Variants in ADAMTS6 observed in about 807,000 individuals in gnomAD.
The protein encoded by ADAMTS6 is A disintegrin and metalloproteinase with thrombospondin motifs 6.
ADAMTS6 carries 23 observed loss-of-function variants against 144.3 expected under a neutral mutation model. The observed-to-expected ratio is 0.16, with a 90% CI of 0.11 to 0.23. ADAMTS6 has a LOEUF of 0.23. ADAMTS6 is among the 10% of genes least tolerant of loss of function. The pLI is 1.00. For synonymous variants in ADAMTS6, 444 were observed against 457.5 expected (o/e 0.97, Z 0.38); for missense variants, 999 against 1,379.6 (o/e 0.72, Z 4.37).
intron 9 of ADAMTS6, among the ~76,000 whole-genome samples, chr5:65,322,940 G>A (rs1310046811): frequency 6.6e-6 from 1 of 152,062 alleles, no homozygotes; most frequent in Non-Finnish European, 1.5e-5. Flanking sequence ...GTGAGAGAGG[G>A]CACTTTTGTC....
At chr5:65,324,407 G>A (rs1361787832) in intron 9 of ADAMTS6, among the ~76,000 whole-genome samples, 1 of 151,876 alleles carries the variant, frequency 6.6e-6, no homozygotes, top group Non-Finnish European at 1.5e-5. Context: ...GCAAACCACA[G>A]AAGAAAAATT....
At chr5:65,444,425 T>A (rs1486803173) in intron 7 of ADAMTS6, among the ~76,000 whole-genome samples, 1 of 152,006 alleles carries the variant, frequency 6.6e-6, no homozygotes, top group Non-Finnish European at 1.5e-5. Context: ...GGATACAAAA[T>A]CCATATAAAT....
At chr5:65,438,137 A>G (rs1037901872) in intron 7 of ADAMTS6, among the ~76,000 whole-genome samples, 1 of 152,212 alleles carries the variant, frequency 6.6e-6, no homozygotes, top group African/African-American at 2.4e-5. Context: ...CACAAAACCT[A>G]TTTCCCAAGG....
chr5:65,153,696 G>A (rs1426174326), intron 24 of ADAMTS6, among the ~76,000 whole-genome samples: 2 of 152,138 alleles, frequency 1.3e-5, no homozygotes. Context: ...AAAGACACAA[G>A]TCAGTTTGCA....
chr5:65,476,066 A>ACATCTTTCC (rs1760821502), intron 1 of ADAMTS6, among the ~76,000 whole-genome samples: 1 of 152,124 alleles, frequency 6.6e-6, no homozygotes, highest in South Asian at 2.1e-4. Context: ...TCTGCTAGCC[A>ACATCTTTCC]CATCTTTCCC....
At chr5:65,358,739 T>C (rs976773673) in intron 7 of ADAMTS6, among the ~76,000 whole-genome samples, 1 of 152,114 alleles carries the variant, frequency 6.6e-6, no homozygotes, top group African/African-American at 2.4e-5. Flanking sequence ...TGCACTAAAT[T>C]GATCTTTGAC....
rs1757717115 is a variant in ADAMTS6, at chr5:65,226,280, G to A, written c.1934-61C>T. 2.6e-6 allele frequency: 4 copies of A among 1,546,896 alleles called. No individual in the cohort carries two copies. In the Admixed American group the frequency reaches 7.0e-5, roughly 27 times the overall value. ...GGTTGTCCTAATGAACAGTGATTCAGTATTATCTATGGCAAATTTATAATT... is the reference window on the plus strand; with the variant it reads ...GGTTGTCCTAATGAACAGTGATTCAATATTATCTATGGCAAATTTATAATT... On this transcript the variant is annotated intron_variant, in intron 15 of 24. Coordinates refer to ENST00000381055, the MANE Select transcript of ADAMTS6 (RefSeq NM_197941.4).
intron 8 of ADAMTS6, among the ~76,000 whole-genome samples, chr5:65,329,970 G>T (rs1435437313): frequency 6.6e-6 from 1 of 152,000 alleles, no homozygotes; most frequent in Non-Finnish European, 1.5e-5. Context: ...AAAATAAAAT[G>T]AATGATTCAA....
In ADAMTS6 at chr5:65,370,252, A is replaced by G. The variant is rs534067246; in HGVS notation, c.1074-36167T>C. Among the ~76,000 whole-genome samples, 6 of 152,276 alleles carry G rather than the reference A, an allele frequency of 3.9e-5. No individual in the cohort carries two copies. The South Asian group carries it at 1.2e-3, about 32-fold the overall frequency. ...GTGAAATCCCATCTCTACTAAAAAT[A>G]CAATAATTAGGGGGAGGAGCCAAGA... On this transcript the variant is annotated intron_variant, in intron 7 of 24. Transcript: ENST00000381055.
At chr5:65,188,371 G>A (rs1444427579) in intron 21 of ADAMTS6, 151 bp from the exon 22 acceptor site, 3 of 747,744 alleles carry the variant, frequency 4.0e-6, no homozygotes, top group Admixed American at 2.5e-5. Context: ...AGCTGCTAAG[G>A]AAAAGACCTT....
chr5:65,451,447 A>C, intron 7 of ADAMTS6, 28 bp downstream of exon 7: 2 of 1,612,170 alleles, frequency 1.2e-6, no homozygotes, highest in South Asian at 1.1e-5. Flanking sequence ...ACAACAATCA[A>C]TGGAAAAATA....
intron 7 of ADAMTS6, among the ~76,000 whole-genome samples, chr5:65,367,756 G>C (rs1750440653): frequency 6.6e-6 from 1 of 151,962 alleles, no homozygotes; most frequent in South Asian, 2.1e-4. Context: ...TAAATCCCAA[G>C]AGTTCCCACT....
intron 7 of ADAMTS6, among the ~76,000 whole-genome samples, chr5:65,357,540 A>G (rs887274077): frequency 6.6e-6 from 1 of 151,772 alleles, no homozygotes; most frequent in African/African-American, 2.4e-5. Context: ...AAAAAACAAT[A>G]AAAAAGATCA....
At chr5:65,333,172 C>T (rs1746944515) in intron 8 of ADAMTS6, among the ~76,000 whole-genome samples, 1 of 151,992 alleles carries the variant, frequency 6.6e-6, no homozygotes, top group Non-Finnish European at 1.5e-5. Flanking sequence ...CTAGAGAATT[C>T]ATCTTCAGTT....
chr5:65,443,887 G>A (rs561431981), intron 7 of ADAMTS6, among the ~76,000 whole-genome samples: 4 of 151,876 alleles, frequency 2.6e-5, no homozygotes, highest in East Asian at 1.9e-4. Flanking sequence ...GGTGAAAGAC[G>A]GAATTCTTTC....
At chr5:65,199,231 C>T (rs1895431) in intron 20 of ADAMTS6, among the ~76,000 whole-genome samples, 44,736 of 152,018 alleles carry the variant, frequency 0.29, 6,890 homozygotes, top group Admixed American at 0.38. Flanking sequence ...ACATTCTCAA[C>T]ACTACAAAAT....
chr5:65,376,020 C>T (rs1308803415), intron 7 of ADAMTS6, among the ~76,000 whole-genome samples: 1 of 150,654 alleles, frequency 6.6e-6, no homozygotes, highest in East Asian at 2.0e-4. Flanking sequence ...AACAAAAAAA[C>T]AAAGACCGCA....
chr5:65,252,161 T>C (rs989919028), intron 14 of ADAMTS6, among the ~76,000 whole-genome samples: 3 of 152,166 alleles, frequency 2.0e-5, no homozygotes, highest in Non-Finnish European at 4.4e-5. Context: ...AGGAGGAATA[T>C]CAAAGCTTCA....
chr5:65,266,582 C>T (rs1761644619), intron 12 of ADAMTS6, among the ~76,000 whole-genome samples: 1 of 151,892 alleles, frequency 6.6e-6, no homozygotes, highest in South Asian at 2.1e-4. Flanking sequence ...TCAGTTCTAG[C>T]AATATCTTTG....
Sources: allele counts gnomAD v4.1 joint callset (sites outside exome capture counted in the v4.1 genomes callset), GRCh38; gene constraint gnomAD v4.1.1; transcripts MANE v1.5; gene names NCBI Gene and HGNC (gene_info 2026-07-23, HGNC 2026-07-21).